The following FALEC variants were observed in gnomAD, a reference collection of about 807,000 sequenced individuals.
The protein encoded by FALEC is focally amplified lncRNA on chromosome 1.
chr1:150,531,245 A>G, the FALEC span, among the ~76,000 whole-genome samples: 1 of 152,236 alleles, frequency 6.6e-6, no homozygotes, highest in Admixed American at 6.5e-5. Context: ...CTGTAATCCC[A>G]GCACTTTGGG....
the FALEC span, among the ~76,000 whole-genome samples, chr1:150,530,025 C>G: frequency 6.6e-6 from 1 of 152,130 alleles, no homozygotes; most frequent in Non-Finnish European, 1.5e-5. Flanking sequence ...TAACTTGGGT[C>G]AGCTCTTGGA....
chr1:150,526,914 G>A, the FALEC span, among the ~76,000 whole-genome samples: 1 of 151,958 alleles, frequency 6.6e-6, no homozygotes, highest in African/African-American at 2.4e-5. Flanking sequence ...GATTACAGGT[G>A]TGAGCCACCA....
At chr1:150,522,945 GTGTGTA>G (rs1172479343), downstream of FALEC, among the ~76,000 whole-genome samples, 28 of 8,688 alleles carry the variant, frequency 3.2e-3, 2 homozygotes, top group Admixed American at 5.2e-3. Flanking sequence ...GTGTGTGTGT[GTGTGTA>G]TATATATATA....
At chr1:150,527,935 G>C in the FALEC span, among the ~76,000 whole-genome samples, 1 of 152,296 alleles carries the variant, frequency 6.6e-6, no homozygotes, top group East Asian at 1.9e-4. Flanking sequence ...TATATATGCA[G>C]AATTGGTGGT....
At chr1:150,525,158 G>T in the FALEC span, among the ~76,000 whole-genome samples, 17 of 152,006 alleles carry the variant, frequency 1.1e-4, no homozygotes, top group Non-Finnish European at 1.9e-4. Flanking sequence ...ATGGTGGCAC[G>T]CATCTGTAAT....
At chr1:150,526,166 C>CCTGGCTAACAT in the FALEC span, among the ~76,000 whole-genome samples, 2 of 151,516 alleles carry the variant, frequency 1.3e-5, no homozygotes, top group African/African-American at 4.8e-5. Flanking sequence ...ATCAAGACCA[C>CCTGGCTAACAT]GGTGAAACCC....
the FALEC span, among the ~76,000 whole-genome samples, chr1:150,533,556 C>T: frequency 6.6e-6 from 1 of 150,878 alleles, no homozygotes; most frequent in East Asian, 2.0e-4. Flanking sequence ...CTACCTTAGC[C>T]TCTTGAGTAG....
the FALEC span, among the ~76,000 whole-genome samples, chr1:150,523,284 C>T: frequency 2.0e-5 from 3 of 149,626 alleles, no homozygotes; most frequent in African/African-American, 7.4e-5. Flanking sequence ...TGAGCCACTG[C>T]GCCTGGCATA....
downstream of FALEC, among the ~76,000 whole-genome samples, chr1:150,521,974 G>A (rs1670649272): frequency 6.6e-6 from 1 of 152,186 alleles, no homozygotes. Flanking sequence ...CCCAGGTGTG[G>A]TGGCCCACTC....
At chr1:150,523,268 C>T in the FALEC span, among the ~76,000 whole-genome samples, 1 of 149,334 alleles carries the variant, frequency 6.7e-6, no homozygotes, top group Non-Finnish European at 1.5e-5. Context: ...GCTGGGATTA[C>T]AGGTGTGAGC....
the FALEC span, among the ~76,000 whole-genome samples, chr1:150,529,046 G>T: frequency 2.4e-5 from 2 of 81,758 alleles, no homozygotes; most frequent in South Asian, 3.1e-4. Flanking sequence ...AAAATCAAAG[G>T]ATCTAGAGCA....
the FALEC span, among the ~76,000 whole-genome samples, chr1:150,524,354 ACT>A: frequency 0.085 from 12,955 of 151,952 alleles, 669 homozygotes; most frequent in African/African-American, 0.11. Context: ...TACACCAGAG[ACT>A]CAAAAAAATC....
chr1:150,519,880 C>T (rs1422673637), downstream of FALEC, among the ~76,000 whole-genome samples: 4 of 151,676 alleles, frequency 2.6e-5, no homozygotes, highest in African/African-American at 4.8e-5. Flanking sequence ...TAGGCTGGCG[C>T]AGTGGCTCAT....
At chr1:150,515,837 C>G (rs893122909) in exon 1 of FALEC, 1 of 152,404 alleles carries the variant, frequency 6.6e-6, no homozygotes, top group African/African-American at 2.4e-5. Flanking sequence ...CCCTACCCCC[C>G]GGTCCCACGT....
the FALEC span, among the ~76,000 whole-genome samples, chr1:150,531,855 T>C: frequency 6.6e-6 from 1 of 152,180 alleles, no homozygotes; most frequent in East Asian, 1.9e-4. Context: ...GCCTTCACTT[T>C]CCTCAGCTAT....
downstream of FALEC, among the ~76,000 whole-genome samples, chr1:150,520,783 C>CTTTTTTTTTTTTTTT (rs71086518): frequency 7.4e-3 from 316 of 42,826 alleles, 6 homozygotes; most frequent in Middle Eastern, 0.045. Context: ...CTTTTCTTTT[C>CTTTTTTTTTTTTTTT]TTTTTTTTTT....
downstream of FALEC, among the ~76,000 whole-genome samples, chr1:150,519,510 G>A (rs1210527592): frequency 6.6e-6 from 1 of 151,522 alleles, no homozygotes; most frequent in African/African-American, 2.4e-5. Context: ...CACCTGAGGT[G>A]GGGCGTTTGA....
At chr1:150,516,542 G>A (rs928920664) in intron 1 of FALEC, among the ~76,000 whole-genome samples, 4 of 152,254 alleles carry the variant, frequency 2.6e-5, no homozygotes, top group African/African-American at 9.6e-5. Flanking sequence ...GAAGCAGTGA[G>A]TTTGGATAGA....
chr1:150,530,837 G>A, the FALEC span, among the ~76,000 whole-genome samples: 1 of 152,114 alleles, frequency 6.6e-6, no homozygotes, highest in African/African-American at 2.4e-5. Context: ...GGTTCAAAGC[G>A]GAACTCCAGA....
Sources: allele counts gnomAD v4.1 joint callset (sites outside exome capture counted in the v4.1 genomes callset), GRCh38; gene constraint gnomAD v4.1.1; transcripts MANE v1.5; gene names NCBI Gene and HGNC (gene_info 2026-07-23, HGNC 2026-07-21).